Variants in LHFPL3 observed in about 807,000 individuals in gnomAD.
LHFPL3 encodes LHFPL tetraspan subfamily member 3.
Under a neutral mutation model 19.3 loss-of-function variants are expected in LHFPL3, and 5 were observed. That is an observed-to-expected ratio of 0.26 (90% CI 0.14 to 0.54). The LOEUF is 0.54. Ranked by LOEUF, LHFPL3 falls within the 20% of genes least tolerant of loss-of-function variation. The pLI, the probability that LHFPL3 is intolerant of heterozygous loss-of-function variation, is 0.94. For missense variants in LHFPL3, 249 were observed against 307.4 expected, an observed-to-expected ratio of 0.81 and a Z score of 1.42; for synonymous variants, 133 against 126.2, an observed-to-expected ratio of 1.05 and a Z score of -0.36.
chr7:104,335,761 A>C (rs1419421203), intron 1 of LHFPL3, among the ~76,000 whole-genome samples: 1 of 151,834 alleles, frequency 6.6e-6, no homozygotes, highest in Non-Finnish European at 1.5e-5. Context: ...TTTGTTTGGC[A>C]TGTTGCTACC....
chr7:104,633,561 A>C (rs1412661536), intron 1 of LHFPL3, among the ~76,000 whole-genome samples: 1 of 152,152 alleles, frequency 6.6e-6, no homozygotes, highest in Non-Finnish European at 1.5e-5. Context: ...GAGGAAAGAA[A>C]TCACCTCGGC....
At chr7:104,730,888 G>T (rs186283810) in intron 1 of LHFPL3, among the ~76,000 whole-genome samples, 101 of 152,194 alleles carry the variant, frequency 6.6e-4, no homozygotes, top group African/African-American at 2.2e-3. Context: ...GGTCTAACAT[G>T]TAAGTCTTTA....
At chr7:104,537,320 A>G (rs1191073936) in intron 1 of LHFPL3, among the ~76,000 whole-genome samples, 1 of 152,224 alleles carries the variant, frequency 6.6e-6, no homozygotes, top group Admixed American at 6.5e-5. Flanking sequence ...CCCTTCTGAC[A>G]CTTCCATTTC....
intron 1 of LHFPL3, among the ~76,000 whole-genome samples, chr7:104,735,418 G>A (rs567515146): frequency 2.6e-4 from 39 of 152,304 alleles, no homozygotes; most frequent in Admixed American, 1.0e-3. Context: ...TGGCAATGGC[G>A]GGCGCCCCTC....
chr7:104,816,415 A>G (rs530650449), intron 2 of LHFPL3, among the ~76,000 whole-genome samples: 2 of 152,216 alleles, frequency 1.3e-5, no homozygotes, highest in South Asian at 4.1e-4. Flanking sequence ...TCATAAAAGG[A>G]TGCATTTACC....
At chr7:104,402,230 A>G (rs1791327853) in intron 1 of LHFPL3, among the ~76,000 whole-genome samples, 1 of 152,234 alleles carries the variant, frequency 6.6e-6, no homozygotes, top group African/African-American at 2.4e-5. Flanking sequence ...AAACAAAAGT[A>G]TTCTCTTTGT....
intron 1 of LHFPL3, among the ~76,000 whole-genome samples, chr7:104,591,483 T>A (rs369145870): frequency 6.6e-6 from 1 of 152,228 alleles, no homozygotes; most frequent in Non-Finnish European, 1.5e-5. Flanking sequence ...CTGAGAGATC[T>A]GCTGTTAGTC....
At chr7:104,446,490 ACT>A (rs1792332285) in intron 1 of LHFPL3, among the ~76,000 whole-genome samples, 1 of 148,128 alleles carries the variant, frequency 6.8e-6, no homozygotes, top group South Asian at 2.2e-4. Flanking sequence ...GTATCAATAA[ACT>A]CTCTGAGCAG....
rs751784526 is a variant in LHFPL3 at position 104,674,004 on chromosome 7, C to CT, written c.446-62670dup. 6.4e-3 allele frequency among the ~76,000 whole-genome samples: 973 copies of CT among 151,986 alleles called. 4 individuals are homozygous for CT. Among genetic ancestry groups the CT allele is most frequent in the Non-Finnish European group, 0.01 (682 of 68,008 alleles). On this transcript the variant is annotated intron_variant, in intron 1 of 2. Transcript: ENST00000424859. ...CAGACCCTTGGTGAAAAGAGACCAA[C>CT]TGGACATGTTCAGTTCTTTTTCCAA...
chr7:104,343,168 T>C (rs985102983), intron 1 of LHFPL3, among the ~76,000 whole-genome samples: 4 of 152,122 alleles, frequency 2.6e-5, no homozygotes, highest in African/African-American at 9.7e-5. Context: ...ATTTGAAATT[T>C]TTCCCCAAAT....
chr7:104,484,884 G>C (rs1473455868), intron 1 of LHFPL3, among the ~76,000 whole-genome samples: 2 of 152,084 alleles, frequency 1.3e-5, no homozygotes, highest in Admixed American at 1.3e-4. Context: ...CCATTCATGA[G>C]AGCAGAGCCC....
intron 1 of LHFPL3, among the ~76,000 whole-genome samples, chr7:104,715,382 AT>A (rs931387321): frequency 5.9e-5 from 9 of 151,954 alleles, no homozygotes; most frequent in Admixed American, 5.9e-4. Flanking sequence ...ACTTTGAACA[AT>A]TTTTTTTACC....
chr7:104,736,797 TAC>T lies in LHFPL3; in HGVS notation c.570_571del (p.Ile191ProfsTer21). The T allele has an allele frequency of 6.2e-7, 1 of 1,613,604 alleles. No individual in the cohort carries two copies. The highest frequency in any genetic ancestry group is 2.2e-5 in the East Asian group (1 of 44,858). On this transcript the variant is annotated frameshift_variant, in exon 2 of 3. Coordinates refer to ENST00000424859, the MANE Select transcript of LHFPL3 (RefSeq NM_199000.3). LOFTEE classifies it high-confidence loss of function. ...TLGACSVRWA[Y>X]ILAIIGILDA... ...TGGGGCTTGCTCAGTCCGCTGGGCATACATCCTGGCTATTATTGGAATTTTGG... is the reference window on the plus strand; with the variant it reads ...TGGGGCTTGCTCAGTCCGCTGGGCATATCCTGGCTATTATTGGAATTTTGG...
At chr7:104,559,055 C>T (rs890642233) in intron 1 of LHFPL3, among the ~76,000 whole-genome samples, 2 of 147,938 alleles carry the variant, frequency 1.4e-5, no homozygotes, top group African/African-American at 5.0e-5. Context: ...GTTTTGGTAC[C>T]AGTACCATGC....
intron 1 of LHFPL3, among the ~76,000 whole-genome samples, chr7:104,500,847 C>T (rs543927929): frequency 6.6e-6 from 1 of 152,166 alleles, no homozygotes; most frequent in Non-Finnish European, 1.5e-5. Context: ...CGTCTCCCAG[C>T]CTCCTCTCCC....
rs146858779 is a variant in LHFPL3 at position 104,722,673 on chromosome 7, A to G, written c.446-14002A>G. Reference sequence around the variant, plus strand: ...AAGAAGTGATAGGAATGAGCCTTCTATCTCTTTTACCAGGTGTTAAGAGTG... The same window carrying G: ...AAGAAGTGATAGGAATGAGCCTTCTGTCTCTTTTACCAGGTGTTAAGAGTG... On this transcript the variant is annotated intron_variant, in intron 1 of 2. Transcript: ENST00000424859. Among the ~76,000 whole-genome samples the G allele has an allele frequency of 2.5e-3, 384 of 152,330 alleles. 5 individuals carry two copies. The highest frequency in any genetic ancestry group is 8.5e-3 in the African/African-American group (352 of 41,596).
At chr7:104,876,018 C>T (rs541374967) in intron 2 of LHFPL3, among the ~76,000 whole-genome samples, 31 of 152,164 alleles carry the variant, frequency 2.0e-4, no homozygotes, top group Non-Finnish European at 3.2e-4. Flanking sequence ...ATGAAGAATT[C>T]CAGGGTCAAA....
intron 1 of LHFPL3, among the ~76,000 whole-genome samples, chr7:104,339,963 T>C (rs1021774878): frequency 6.6e-6 from 1 of 152,290 alleles, no homozygotes; most frequent in Non-Finnish European, 1.5e-5. Flanking sequence ...ATGGTGGTGG[T>C]GAAGATGGAC....
At chr7:104,633,932 G>A (rs1300971857) in intron 1 of LHFPL3, among the ~76,000 whole-genome samples, 1 of 152,166 alleles carries the variant, frequency 6.6e-6, no homozygotes, top group Non-Finnish European at 1.5e-5. Context: ...ACTTGTGACA[G>A]CCAGCAGCTG....
Sources: allele counts gnomAD v4.1 joint callset (sites outside exome capture counted in the v4.1 genomes callset), GRCh38; gene constraint gnomAD v4.1.1; transcripts MANE v1.5; gene names NCBI Gene and HGNC (gene_info 2026-07-23, HGNC 2026-07-21).